Variants in RAI1 observed in about 807,000 individuals in gnomAD.
RAI1 encodes the protein retinoic acid induced 1.
A neutral mutation model predicts 123.8 loss-of-function variants in RAI1; 9 were observed. The ratio of observed to expected loss-of-function variants is 0.07; its 90% CI spans 0.04 to 0.13. The LOEUF (loss-of-function observed/expected upper bound fraction) is 0.13, where lower values mean the gene tolerates loss of function less well. RAI1 is among the 10% of genes least tolerant of loss of function. The pLI, the probability that RAI1 is intolerant of heterozygous loss-of-function variation, is 1.00. For synonymous variants in RAI1, 1,231 were observed against 1,127.3 expected (o/e 1.09, Z -1.84); for missense variants, 2,256 against 2,545.8 (o/e 0.89, Z 2.45).
At chr17:17,691,154 G>A (rs1354730542) in intron 1 of RAI1, among the ~76,000 whole-genome samples, 4 of 152,188 alleles carry the variant, frequency 2.6e-5, no homozygotes, top group Non-Finnish European at 4.4e-5. Context: ...GTCTCATTCG[G>A]GGGCGATCTT....
chr17:17,762,174 G>C (rs986639589), intron 2 of RAI1, among the ~76,000 whole-genome samples: 1 of 152,192 alleles, frequency 6.6e-6, no homozygotes, highest in Non-Finnish European at 1.5e-5. Context: ...AAATATACGA[G>C]GGAGGTGATT....
At chr17:17,802,467 C>G (rs772362046) in intron 3 of RAI1, among the ~76,000 whole-genome samples, 4 of 152,162 alleles carry the variant, frequency 2.6e-5, no homozygotes, top group Non-Finnish European at 5.9e-5. Flanking sequence ...TGAAAGGGAC[C>G]CACAGAGGGC....
intron 1 of RAI1, among the ~76,000 whole-genome samples, chr17:17,690,008 G>C (rs1914782776): frequency 6.6e-6 from 1 of 152,232 alleles, no homozygotes; most frequent in East Asian, 1.9e-4. Context: ...GTTGGGGCCT[G>C]ATGCTGGGGA....
At chr17:17,766,216 C>T (rs1446232128) in intron 2 of RAI1, 1 of 152,194 alleles carries the variant, frequency 6.6e-6, no homozygotes, top group Non-Finnish European at 1.5e-5. Flanking sequence ...TGGCTGGCCT[C>T]CCCAAGCCTC....
rs764807307 is a variant in RAI1, at chr17:17,795,238, G to A, written c.2290G>A (p.Glu764Lys). 1.1e-5 allele frequency: 18 copies of A among 1,613,888 alleles called. No homozygotes were observed. The highest frequency in any genetic ancestry group is 1.4e-5 in the Non-Finnish European group (16 of 1,180,024). ...ACPRWGLHPGELTKGLEQGGK... is the reference protein window; with the variant it reads ...ACPRWGLHPGKLTKGLEQGGK... ...TCCCAGGTGGGGATTGCACCCTGGC[G>A]AGCTTACCAAGGGCCTGGAGCAGGG... Residue 764 changes from glutamate (E) to lysine (K), a missense_variant, in exon 3 of 6, where the codon GAG (glutamate) becomes AAG (lysine). Transcript: ENST00000353383. This position sits in a 1 kb window ranked among gnomAD's most constrained non-coding sequence, Gnocchi z 5.9.
Position 17,714,334 on chromosome 17 carries a change from G to A in RAI1, c.-148-9694G>A, listed in dbSNP as rs971619578. Among the ~76,000 whole-genome samples the A allele has an allele frequency of 1.3e-5, 2 of 152,074 alleles. No homozygotes were observed. The highest frequency in any genetic ancestry group is 4.8e-5 in the African/African-American group (2 of 41,404). ...CTGTGTCGGTGGTCATTCAGCTCTC[G>A]GGACAAAGCGTGGGTGGGCCTGTGC... On this transcript the variant is annotated intron_variant, in intron 1 of 5. Transcript: ENST00000353383. The surrounding 1 kb of genome is among the most constrained non-coding windows in gnomAD (Gnocchi z 4.9).
At chr17:17,701,729 A>T (rs1915230855) in intron 1 of RAI1, among the ~76,000 whole-genome samples, 1 of 152,096 alleles carries the variant, frequency 6.6e-6, no homozygotes, top group African/African-American at 2.4e-5. Flanking sequence ...CAAGTAGCTG[A>T]GACTACAAGG....
At chr17:17,717,174 G>T (rs1230749946) in intron 1 of RAI1, among the ~76,000 whole-genome samples, 1 of 152,190 alleles carries the variant, frequency 6.6e-6, no homozygotes. Flanking sequence ...GGCTGCAGTT[G>T]CAGATCAGTC....
intron 2 of RAI1, among the ~76,000 whole-genome samples, chr17:17,779,718 C>T (rs918569461): frequency 6.7e-6 from 1 of 150,104 alleles, no homozygotes; most frequent in Non-Finnish European, 1.5e-5. Flanking sequence ...AAGTGGGTAG[C>T]GGGAAATCAG....
intron 2 of RAI1, among the ~76,000 whole-genome samples, chr17:17,725,320 G>A (rs1916048476): frequency 6.6e-6 from 1 of 152,130 alleles, no homozygotes; most frequent in African/African-American, 2.4e-5. Flanking sequence ...CTGTGCTTGT[G>A]TGACGAAGTG....
At chr17:17,760,518 T>C (rs951306414) in intron 2 of RAI1, among the ~76,000 whole-genome samples, 3 of 152,024 alleles carry the variant, frequency 2.0e-5, no homozygotes, top group Admixed American at 2.0e-4. Context: ...TAGCCCTGGG[T>C]CCCCGCCATG....
chr17:17,725,468 C>A (rs1178360610), intron 2 of RAI1, among the ~76,000 whole-genome samples: 1 of 152,074 alleles, frequency 6.6e-6, no homozygotes, highest in Non-Finnish European at 1.5e-5. Context: ...CCCATTGAGG[C>A]CATGGGAAGG....
In RAI1 at chr17:17,793,293, G is replaced by A. The variant is rs766394915; in HGVS notation, c.345G>A (p.Glu115=). 1 of 1,612,534 alleles carries A rather than the reference G, an allele frequency of 6.2e-7. No homozygotes were observed. The highest frequency in any genetic ancestry group is 1.1e-5 in the South Asian group (1 of 91,060). Residue 115 remains glutamate (E), a synonymous_variant, in exon 3 of 6, where the codon GAG becomes GAA. Transcript: ENST00000353383. ...CCTACCCAGGCCGCTATGCTGGTGA[G>A]GAGAGCCTTCAGGCTTGGGGGGCCC... ...SSPYPGRYAG[E]ESLQAWGAPQ...
Position 17,810,941 on chromosome 17 carries a change from T to C in RAI1, c.*960T>C. On this transcript the variant is annotated 3_prime_UTR_variant, in exon 6 of 6. Coordinates refer to ENST00000353383, the MANE Select transcript of RAI1 (RefSeq NM_030665.4). The surrounding 1 kb of genome is among the most constrained non-coding windows in gnomAD (Gnocchi z 4.6). ...TATGTTACATAGAATGTATATATGT[T>C]GGGAACATGCTCGCTTCTCCCGTGT... 2.9e-6 allele frequency: 1 copy of C among 342,002 alleles called. No homozygotes were observed. The highest frequency in any genetic ancestry group is 2.0e-5 in the South Asian group (1 of 49,990). 21.2% of individuals were successfully genotyped at this position (342,002 alleles called of 1,614,324 possible).
chr17:17,760,240 T>C (rs950212791), intron 2 of RAI1, among the ~76,000 whole-genome samples: 1 of 152,176 alleles, frequency 6.6e-6, no homozygotes, highest in Non-Finnish European at 1.5e-5. Flanking sequence ...ACTTTACTGA[T>C]AGCCCCCACT....
At chr17:17,724,899 C>A (rs1034756458) in intron 2 of RAI1, among the ~76,000 whole-genome samples, 1 of 152,230 alleles carries the variant, frequency 6.6e-6, no homozygotes, top group African/African-American at 2.4e-5. Context: ...CCTCCCCACT[C>A]CCCGCACGAG....
chr17:17,692,446 T>C (rs1914872955), intron 1 of RAI1, among the ~76,000 whole-genome samples: 1 of 152,224 alleles, frequency 6.6e-6, no homozygotes, highest in South Asian at 2.1e-4. Context: ...TCTTATTAAC[T>C]GCCCTATATC....
intron 1 of RAI1, among the ~76,000 whole-genome samples, chr17:17,695,506 T>G (rs1430949090): frequency 6.6e-6 from 1 of 150,504 alleles, no homozygotes; most frequent in Non-Finnish European, 1.5e-5. Flanking sequence ...ACAGCCGCCT[T>G]CTTTCCCCTG....
chr17:17,798,553 CCAAAGGACAGG>C, intron 3 of RAI1, 40 bp downstream of exon 3: 1 of 1,595,976 alleles, frequency 6.3e-7, no homozygotes, highest in Non-Finnish European at 8.5e-7. Context: ...GTGTGGGGTT[CCAAAGGACAGG>C]CAGGCAGGCA....
Sources: allele counts gnomAD v4.1 joint callset (sites outside exome capture counted in the v4.1 genomes callset), GRCh38; gene constraint gnomAD v4.1.1; non-coding constraint Gnocchi (gnomAD v3.1); transcripts MANE v1.5; gene names NCBI Gene and HGNC (gene_info 2026-07-23, HGNC 2026-07-21).